The following LIMA1 variants were observed in gnomAD, a reference collection of about 807,000 sequenced individuals.
LIMA1 encodes LIM domain and actin-binding protein 1.
In LIMA1, 52 loss-of-function variants were observed where a neutral mutation model predicts 62.6. The observed-to-expected ratio is 0.83, with a 90% CI of 0.67 to 1.05. The LOEUF (loss-of-function observed/expected upper bound fraction) is 1.05. Ranked by LOEUF, LIMA1 falls within the 50% of genes least tolerant of loss-of-function variation. LIMA1 has a pLI of 0.00. For missense variants in LIMA1, 780 were observed against 902.2 expected, an observed-to-expected ratio of 0.86 and a Z score of 1.74; for synonymous variants, 302 against 317.8, an observed-to-expected ratio of 0.95 and a Z score of 0.53.
chr12:50,257,450 T>C (rs573213718), intron 1 of LIMA1, among the ~76,000 whole-genome samples: 3 of 152,156 alleles, frequency 2.0e-5, no homozygotes, highest in Admixed American at 6.5e-5. Context: ...AACTGACAAA[T>C]TGCATCTGCC....
Position 50,176,827 on chromosome 12 carries a change from T to G in LIMA1, c.*237A>C, listed in dbSNP as rs1044370. The G allele has an allele frequency of 4.7e-6, 2 of 422,740 alleles. No homozygotes were observed. The highest frequency in any genetic ancestry group is 2.1e-5 in the African/African-American group (1 of 48,714). The allele number at this position is 422,740 out of a possible 1,614,324, so 26.2% of individuals were successfully genotyped here. The stretch of plus-strand genomic sequence containing the variant: ...CCAGTTACAAGCCTTACAGCACTTA[T>G]GCATATCATCACTGCTAAAATGAAG... On this transcript the variant is annotated 3_prime_UTR_variant, in exon 11 of 11. Transcript: ENST00000341247.
chr12:50,204,085 A>T (rs1195211015), intron 6 of LIMA1, among the ~76,000 whole-genome samples: 2 of 152,198 alleles, frequency 1.3e-5, no homozygotes, highest in Non-Finnish European at 2.9e-5. Flanking sequence ...TATGTGAGTT[A>T]TATCTCAGTA....
Position 50,222,134 on chromosome 12 carries a change from C to T in LIMA1, c.517G>A (p.Glu173Lys), listed in dbSNP as rs1240200717. The change falls in exon 4 of 11, where the codon GAA (glutamate) becomes AAA (lysine). Residue 173 changes from glutamate to lysine, a missense_variant. Physicochemically the swap from Glu to Lys is moderately conservative, Grantham distance 56. Transcript: ENST00000341247. Reference protein sequence around the residue: ...NCLGESRHEVEKSEISENTDA... With the variant: ...NCLGESRHEVKKSEISENTDA... The stretch of plus-strand genomic sequence containing the variant: ...GTGTTTTCACTGATTTCTGATTTTT[C>T]TACTTCATGCCTGGATTCTCCTAGA... The T allele has an allele frequency of 1.2e-6, 2 of 1,614,142 alleles. No homozygotes were observed. The highest frequency in any genetic ancestry group is 1.7e-6 in the Non-Finnish European group (2 of 1,180,004).
chr12:50,178,654 C>T (rs1455185916), intron 10 of LIMA1, among the ~76,000 whole-genome samples: 1 of 151,994 alleles, frequency 6.6e-6, no homozygotes, highest in Non-Finnish European at 1.5e-5. Context: ...TTTCTTTTCA[C>T]TATAAATTAT....
At chr12:50,237,413 G>A (rs959595897) in intron 2 of LIMA1, among the ~76,000 whole-genome samples, 9 of 152,200 alleles carry the variant, frequency 5.9e-5, no homozygotes, top group African/African-American at 1.7e-4. Flanking sequence ...AAGGCGGGCG[G>A]ATCTCCTGAG....
chr12:50,246,228 T>A (rs1351958167), intron 2 of LIMA1, among the ~76,000 whole-genome samples: 14 of 118,198 alleles, frequency 1.2e-4, no homozygotes, highest in Non-Finnish European at 2.0e-4. Flanking sequence ...TGAGACTCCA[T>A]CTCAAAAAAA....
Position 50,222,029 on chromosome 12 carries a change from G to A in LIMA1, c.622C>T (p.Gln208Ter). Residue 208 changes from glutamine (Q) to a stop codon, truncating the protein, a stop_gained, in exon 4 of 11, where the codon CAA (glutamine) becomes TAA (stop). Coordinates refer to ENST00000341247, the MANE Select transcript of LIMA1 (RefSeq NM_016357.5). LOFTEE classifies it high-confidence loss of function. Reference protein sequence around the residue: ...KMMFEKGEPTQTKILRAQSRS... With the variant: ...KMMFEKGEPT Reference sequence around the variant, plus strand: ...ACCCGCCCAATTCTTACCTTAGTTTGAGTTGGTTCACCTTTCTCAAACATC... The same window carrying A: ...ACCCGCCCAATTCTTACCTTAGTTTAAGTTGGTTCACCTTTCTCAAACATC... 6.2e-7 allele frequency: 1 copy of A among 1,608,104 alleles called. No individual in the cohort carries two copies. Among genetic ancestry groups the A allele is most frequent in the Non-Finnish European group, 8.5e-7 (1 of 1,176,686 alleles).
chr12:50,229,588 A>G (rs1412911492), intron 3 of LIMA1, among the ~76,000 whole-genome samples: 2 of 152,128 alleles, frequency 1.3e-5, no homozygotes, highest in Non-Finnish European at 2.9e-5. Flanking sequence ...AGATATACCT[A>G]ATGTAAATGA....
At chr12:50,280,144 ATTTTTTTTTTTTT>A (rs71441354) in intron 1 of LIMA1, among the ~76,000 whole-genome samples, 2 of 68,266 alleles carry the variant, frequency 2.9e-5, no homozygotes, top group East Asian at 4.7e-4. Flanking sequence ...GGGTAGTAGT[ATTTTTTTTTTTTT>A]TTTTTTTTTT....
rs1942363933 is a variant in LIMA1, at chr12:50,283,411, G to T, written c.-24+9C>A. ...GCACTCTCCGGTTGTGGAGAGAGAA[G>T]GCCCTTACCTGGCTAAAAGCCGCCT... On this transcript the variant is annotated intron_variant, in intron 1 of 10. Coordinates refer to ENST00000341247, the MANE Select transcript of LIMA1 (RefSeq NM_016357.5). 1.3e-5 allele frequency: 2 copies of T among 152,340 alleles called. No homozygotes were observed. The highest frequency in any genetic ancestry group is 1.3e-4 in the Admixed American group (2 of 15,286). The allele number at this position is 152,340 out of a possible 1,614,324, so 9.4% of individuals were successfully genotyped here.
chr12:50,178,027 C>T lies in LIMA1; in HGVS notation c.1317G>A (p.Lys439=). 1 of 1,566,796 alleles carries T rather than the reference C, an allele frequency of 6.4e-7. No individual in the cohort carries two copies. The highest frequency in any genetic ancestry group is 1.2e-5 in the South Asian group (1 of 81,474). The change falls in exon 11 of 11, where the codon AAG becomes AAA. Residue 439 remains lysine (K), a synonymous_variant. Coordinates refer to ENST00000341247, the MANE Select transcript of LIMA1 (RefSeq NM_016357.5). Reference sequence around the variant, plus strand: ...ATTTAAAGAGTTGATTGAAGTGAGGCTTACAATAGATTCTTCCATGTAAAG... The same window carrying T: ...ATTTAAAGAGTTGATTGAAGTGAGGTTTACAATAGATTCTTCCATGTAAAG... ...YASLHGRIYC[K]PHFNQLFKSK...
Position 50,222,225 on chromosome 12 carries a change from A to C in LIMA1, c.426T>G (p.Tyr142Ter). ...GATCCTCACCGTCCTTGATGTGGGG[A>C]TATCGACCCTGAACGAGGGCTTCAG... ...SPPEALVQGR[Y>*]PHIKDGEDLK... is the part of the protein sequence containing the mutation. Residue 142 changes from tyrosine (Y) to a stop codon, truncating the protein, a stop_gained, in exon 4 of 11, where the codon TAT becomes TAG. Coordinates refer to ENST00000341247, the MANE Select transcript of LIMA1 (RefSeq NM_016357.5). LOFTEE classifies it high-confidence loss of function. The C allele has an allele frequency of 1.2e-6, 2 of 1,614,004 alleles. No homozygotes were observed. The highest frequency in any genetic ancestry group is 1.7e-6 in the Non-Finnish European group (2 of 1,179,994).
rs765853024 is a variant in LIMA1, at chr12:50,181,872, A to G, written c.1274+32T>C. ...AAAGACTCCCTCTAGAGTTCCAGTT[A>G]TAGACAGATGGCTTGTTTTGGGCTG... On this transcript the variant is annotated intron_variant, in intron 10 of 10. Transcript: ENST00000341247. 10 of 1,613,532 alleles carry G rather than the reference A, an allele frequency of 6.2e-6. No individual in the cohort carries two copies. In the Admixed American group the frequency reaches 1.5e-4, roughly 24 times the overall value.
At chr12:50,226,262 A>C (rs1941526593) in intron 3 of LIMA1, among the ~76,000 whole-genome samples, 1 of 151,462 alleles carries the variant, frequency 6.6e-6, no homozygotes. Flanking sequence ...GCCCAGGCTC[A>C]AACTCCCAGG....
intron 8 of LIMA1, 136 bp downstream of exon 8, chr12:50,195,694 A>G: frequency 1.3e-6 from 1 of 795,486 alleles, no homozygotes; most frequent in Non-Finnish European, 1.9e-6. Context: ...AAGGACATTC[A>G]AGCATTAGCC....
intron 9 of LIMA1, chr12:50,185,715 T>A (rs186496958): frequency 9.0e-6 from 3 of 334,428 alleles, no homozygotes; most frequent in Non-Finnish European, 1.8e-5. Flanking sequence ...AATTCTTTAG[T>A]GGCTTACTAC....
chr12:50,243,428 G>A (rs1941805604), intron 2 of LIMA1, among the ~76,000 whole-genome samples: 1 of 152,168 alleles, frequency 6.6e-6, no homozygotes, highest in Admixed American at 6.5e-5. Flanking sequence ...ATGCTTTGTG[G>A]AAAATAGTCC....
At chr12:50,204,804 C>G in intron 5 of LIMA1, 104 bp from the exon 6 acceptor site, 2 of 1,118,084 alleles carry the variant, frequency 1.8e-6, no homozygotes, top group African/African-American at 3.1e-5. Context: ...ACTACAGCCT[C>G]GAACTCCTGA....
intron 1 of LIMA1, among the ~76,000 whole-genome samples, chr12:50,251,624 CAAA>C (rs397850152): frequency 2.5e-5 from 2 of 81,558 alleles, no homozygotes. Context: ...GACTCCACCT[CAAA>C]AAAAAAAAAA....
Sources: gnomAD v4.1 joint callset for allele counts (sites outside exome capture counted in the v4.1 genomes callset) on GRCh38, gnomAD v4.1.1 for gene constraint, MANE v1.5 for transcripts, NCBI Gene and HGNC (gene_info 2026-07-23, HGNC 2026-07-21) for gene names.